TESC: variants seen among roughly 807,000 people sequenced by gnomAD.
TESC encodes tescalcin.
TESC carries 19 observed loss-of-function variants against 31.0 expected under a neutral mutation model. The ratio of observed to expected loss-of-function variants is 0.61; its 90% CI spans 0.43 to 0.90. The LOEUF (loss-of-function observed/expected upper bound fraction) is 0.90, where lower values mean the gene tolerates loss of function less well. TESC is among the 40% of genes least tolerant of loss of function. The pLI, the probability that TESC is intolerant of heterozygous loss-of-function variation, is 0.00. For missense variants in TESC, 248 were observed against 303.8 expected (o/e 0.82, Z 1.36); for synonymous variants, 109 against 114.8 (o/e 0.95, Z 0.32).
chr12:117,089,987 A>G (rs1007405641), intron 1 of TESC, among the ~76,000 whole-genome samples: 5 of 152,214 alleles, frequency 3.3e-5, no homozygotes, highest in African/African-American at 1.2e-4. Flanking sequence ...TCTACAAAGA[A>G]ATGTCGATTA....
chr12:117,068,907 G>A (rs954679122), intron 2 of TESC, among the ~76,000 whole-genome samples: 1 of 152,110 alleles, frequency 6.6e-6, no homozygotes, highest in Non-Finnish European at 1.5e-5. Flanking sequence ...TACCAGTTAA[G>A]GGGCCCAAAA....
chr12:117,092,112 A>G (rs939269208), intron 1 of TESC, among the ~76,000 whole-genome samples: 10 of 152,192 alleles, frequency 6.6e-5, no homozygotes, highest in Admixed American at 4.6e-4. Context: ...TCCCACCCTC[A>G]AAGGGCTTTT....
At chr12:117,054,632 T>C (rs1322475641) in intron 3 of TESC, among the ~76,000 whole-genome samples, 1 of 152,034 alleles carries the variant, frequency 6.6e-6, no homozygotes, top group African/African-American at 2.4e-5. Flanking sequence ...GAAGGACCCC[T>C]CTCCCCGTGA....
chr12:117,067,333 G>C (rs1391102021), intron 2 of TESC, among the ~76,000 whole-genome samples: 1 of 152,148 alleles, frequency 6.6e-6, no homozygotes, highest in Non-Finnish European at 1.5e-5. Flanking sequence ...GGAAGACTGA[G>C]GCAGGAGTAT....
intron 2 of TESC, among the ~76,000 whole-genome samples, chr12:117,061,056 G>A (rs1011927313): frequency 2.0e-5 from 3 of 152,172 alleles, no homozygotes; most frequent in Non-Finnish European, 4.4e-5. Flanking sequence ...TGGGTCAAAC[G>A]GCGTTGCCTC....
At chr12:117,061,451 G>A (rs2135767368) in intron 2 of TESC, among the ~76,000 whole-genome samples, 1 of 152,186 alleles carries the variant, frequency 6.6e-6, no homozygotes, top group Middle Eastern at 3.4e-3. Context: ...AGGGAGGAGA[G>A]GTGGGGGAGA....
chr12:117,075,915 G>GTATATATACATATATATATATA (rs1565971663), intron 1 of TESC, among the ~76,000 whole-genome samples: 2 of 50,714 alleles, frequency 3.9e-5, no homozygotes, highest in Non-Finnish European at 7.4e-5. Flanking sequence ...ATATATATAT[G>GTATATATACATATATATATATA]TGTGTGTGTA....
chr12:117,095,176 G>A (rs947638862), intron 1 of TESC, among the ~76,000 whole-genome samples: 19 of 152,146 alleles, frequency 1.2e-4, no homozygotes, highest in African/African-American at 3.9e-4. Flanking sequence ...CCAGGTTCAA[G>A]CGATTCTCCG....
At chr12:117,059,335 C>T (rs372006902) in intron 2 of TESC, among the ~76,000 whole-genome samples, 3 of 152,280 alleles carry the variant, frequency 2.0e-5, no homozygotes, top group South Asian at 2.1e-4. Context: ...TCTGTGTCCC[C>T]GGCATGGCCT....
intron 1 of TESC, among the ~76,000 whole-genome samples, chr12:117,089,538 G>C (rs1955277017): frequency 6.6e-6 from 1 of 152,118 alleles, no homozygotes; most frequent in Non-Finnish European, 1.5e-5. Flanking sequence ...ACAAACAATG[G>C]AAGAACCATA....
chr12:117,040,398 C>A, intron 7 of TESC, among the ~76,000 whole-genome samples: 1 of 152,200 alleles, frequency 6.6e-6, no homozygotes, highest in East Asian at 1.9e-4. Context: ...CCCAAAAGAT[C>A]CCTCAGGGGT....
chr12:117,093,190 C>G (rs1439675029), intron 1 of TESC, among the ~76,000 whole-genome samples: 1 of 152,218 alleles, frequency 6.6e-6, no homozygotes, highest in African/African-American at 2.4e-5. Flanking sequence ...TTCTGGAGGG[C>G]AGGGACCGCA....
At chr12:117,097,273 G>C (rs1955408180) in intron 1 of TESC, among the ~76,000 whole-genome samples, 1 of 152,246 alleles carries the variant, frequency 6.6e-6, no homozygotes, top group Admixed American at 6.5e-5. Flanking sequence ...TCTGAGCTCT[G>C]GGCAGCAAGA....
rs184092185 is a variant in TESC at position 117,045,200 on chromosome 12, C to T, written c.519+1359G>A. Among the ~76,000 whole-genome samples the T allele has an allele frequency of 2.1e-3, 313 of 152,332 alleles. 1 individual carries two copies. Among genetic ancestry groups the T allele is most frequent in the Non-Finnish European group, 3.5e-3 (240 of 68,034 alleles). On this transcript the variant is annotated intron_variant, in intron 6 of 7. Transcript: ENST00000335209. ...TGGAGATGAGCCCTCTGCCTTGCAG[C>T]CGTCTTCCTGGTTCCAGGGCTACCC...
At chr12:117,039,290 T>G in intron 7 of TESC, 80 bp from the exon 8 acceptor site, 1 of 1,379,912 alleles carries the variant, frequency 7.2e-7, no homozygotes. Flanking sequence ...CCTCGGCCCT[T>G]CCCACCTACC....
chr12:117,056,922 T>G (rs375886837), intron 2 of TESC, 36 bp from the exon 3 acceptor site: 2 of 1,606,020 alleles, frequency 1.2e-6, no homozygotes, highest in Non-Finnish European at 1.7e-6. Flanking sequence ...GGGAAGAGAA[T>G]AAGGAAAGAT....
At chr12:117,045,375 C>G (rs147691195) in intron 6 of TESC, among the ~76,000 whole-genome samples, 8 of 152,330 alleles carry the variant, frequency 5.3e-5, no homozygotes, top group Non-Finnish European at 1.0e-4. Flanking sequence ...AGAAAACTGT[C>G]GCCAATTGAA....
intron 3 of TESC, among the ~76,000 whole-genome samples, chr12:117,056,248 G>T (rs1237374347): frequency 1.3e-5 from 2 of 152,008 alleles, no homozygotes; most frequent in East Asian, 1.9e-4. Context: ...GTAGAAACAG[G>T]GTTTCACCAT....
At chr12:117,095,468 G>C (rs1219327783) in intron 1 of TESC, among the ~76,000 whole-genome samples, 1 of 152,226 alleles carries the variant, frequency 6.6e-6, no homozygotes, top group Non-Finnish European at 1.5e-5. Flanking sequence ...CAGAGGAACA[G>C]CTTTTGTGCA....
Sources: gnomAD v4.1 joint callset for allele counts (sites outside exome capture counted in the v4.1 genomes callset) on GRCh38, gnomAD v4.1.1 for gene constraint, MANE v1.5 for transcripts, NCBI Gene and HGNC (gene_info 2026-07-23, HGNC 2026-07-21) for gene names.